Variants in PCNX2 observed in about 807,000 individuals in gnomAD.
The protein encoded by PCNX2 is pecanex 2.
A neutral mutation model predicts 223.8 loss-of-function variants in PCNX2; 168 were observed. That is an observed-to-expected ratio of 0.75 (90% CI 0.66 to 0.85). The LOEUF (loss-of-function observed/expected upper bound fraction) is 0.85, where lower values mean the gene tolerates loss of function less well. PCNX2 is among the 40% of genes least tolerant of loss of function. PCNX2 has a pLI of 0.00. For missense variants in PCNX2, 2,507 were observed against 2,675.5 expected (o/e 0.94, Z 1.39); for synonymous variants, 1,006 against 1,052.6 (o/e 0.96, Z 0.86).
chr1:233,011,043 A>G (rs1389013516), intron 28 of PCNX2, among the ~76,000 whole-genome samples: 1 of 152,174 alleles, frequency 6.6e-6, no homozygotes, highest in Non-Finnish European at 1.5e-5. Flanking sequence ...TGGGTCTCCT[A>G]CAGTACACCT....
intron 10 of PCNX2, among the ~76,000 whole-genome samples, chr1:233,223,358 A>G (rs1254477804): frequency 6.6e-6 from 1 of 152,196 alleles, no homozygotes; most frequent in African/African-American, 2.4e-5. Context: ...GAGCAAATGG[A>G]AACAAACACA....
intron 1 of PCNX2, chr1:233,288,749 C>T: frequency 1.6e-6 from 1 of 610,350 alleles, no homozygotes; most frequent in East Asian, 2.8e-5. Flanking sequence ...CAGCCCAAAT[C>T]TGGAGGGACT....
chr1:233,070,910 G>A (rs960633895), intron 23 of PCNX2, among the ~76,000 whole-genome samples: 5 of 152,224 alleles, frequency 3.3e-5, no homozygotes, highest in East Asian at 1.9e-4. Context: ...GGTGGCGGGC[G>A]CCTGTAATCC....
At chr1:233,084,106 C>T (rs1014739036) in intron 23 of PCNX2, among the ~76,000 whole-genome samples, 14 of 152,170 alleles carry the variant, frequency 9.2e-5, no homozygotes, top group Non-Finnish European at 1.8e-4. Context: ...GAGGAGTGAT[C>T]ATCTCATTTT....
At chr1:233,262,893 A>G in intron 2 of PCNX2, 65 bp downstream of exon 2, 1 of 1,514,950 alleles carries the variant, frequency 6.6e-7, no homozygotes, top group Non-Finnish European at 9.1e-7. Flanking sequence ...CACTGATAAA[A>G]AACTTATTTT....
At chr1:233,280,577 C>T (rs1380895606) in intron 1 of PCNX2, among the ~76,000 whole-genome samples, 1 of 152,166 alleles carries the variant, frequency 6.6e-6, no homozygotes, top group East Asian at 1.9e-4. Context: ...GGATTACAGG[C>T]ATGAGCCACC....
intron 17 of PCNX2, among the ~76,000 whole-genome samples, chr1:233,168,456 C>CTA (rs139880137): frequency 6.6e-5 from 10 of 151,620 alleles, no homozygotes; most frequent in African/African-American, 1.7e-4. Flanking sequence ...CTTTTGTAAG[C>CTA]TATATATATA....
chr1:232,983,681 A>G lies in PCNX2; in HGVS notation c.*623T>C, dbSNP rs1669345546. 3 of 152,194 alleles carry G rather than the reference A, an allele frequency of 2.0e-5. No homozygotes were observed. The highest frequency in any genetic ancestry group is 6.5e-5 in the Admixed American group (1 of 15,280). The allele number at this position is 152,194 out of a possible 1,614,324, so 9.4% of individuals were successfully genotyped here. ...TGGCTTTTCACAGAATACTGGAGAC[A>G]TGACTGCATGCATGATCACGGTTCT... is the stretch of plus-strand genomic sequence containing the variant. On this transcript the variant is annotated 3_prime_UTR_variant, in exon 34 of 34. Coordinates refer to ENST00000258229, the MANE Select transcript of PCNX2 (RefSeq NM_014801.4).
At chr1:233,194,490 G>A (rs987100501) in intron 15 of PCNX2, among the ~76,000 whole-genome samples, 13 of 151,972 alleles carry the variant, frequency 8.6e-5, no homozygotes, top group Admixed American at 2.0e-4. Flanking sequence ...TAACGTAAAG[G>A]AAATATAATT....
intron 1 of PCNX2, among the ~76,000 whole-genome samples, chr1:233,272,403 C>T (rs893225702): frequency 2.0e-5 from 3 of 151,872 alleles, no homozygotes; most frequent in Admixed American, 6.6e-5. Flanking sequence ...TGCTCAACAT[C>T]GCTAATGATC....
intron 21 of PCNX2, among the ~76,000 whole-genome samples, chr1:233,130,845 C>T (rs1416893477): frequency 6.0e-5 from 9 of 151,058 alleles, no homozygotes; most frequent in African/African-American, 2.2e-4. Context: ...TATTCATCCT[C>T]CAGACCTCAG....
At chr1:233,200,020 G>T in intron 14 of PCNX2, 134 bp downstream of exon 14, 1 of 706,162 alleles carries the variant, frequency 1.4e-6, no homozygotes, top group Non-Finnish European at 2.3e-6. Flanking sequence ...CACCCAGACT[G>T]ATCCAAACTG....
chr1:232,997,287 A>C (rs927818909), intron 32 of PCNX2, among the ~76,000 whole-genome samples: 1 of 152,160 alleles, frequency 6.6e-6, no homozygotes, highest in Non-Finnish European at 1.5e-5. Flanking sequence ...ATTTATACAT[A>C]TATCCTCTCT....
At chr1:233,188,282 T>A (rs958584875) in intron 15 of PCNX2, among the ~76,000 whole-genome samples, 1 of 152,278 alleles carries the variant, frequency 6.6e-6, no homozygotes, top group African/African-American at 2.4e-5. Flanking sequence ...GCAGTCCCCA[T>A]TTCCTGGATG....
At chr1:233,179,207 T>G in intron 15 of PCNX2, 32 bp from the exon 16 acceptor site, 1 of 1,603,684 alleles carries the variant, frequency 6.2e-7, no homozygotes, top group Non-Finnish European at 8.5e-7. Flanking sequence ...GCCAAGTCAC[T>G]CCACAGCTGT....
intron 19 of PCNX2, among the ~76,000 whole-genome samples, chr1:233,153,605 A>G (rs1677948516): frequency 1.3e-5 from 2 of 152,210 alleles, no homozygotes; most frequent in African/African-American, 4.8e-5. Flanking sequence ...ATAAGGGAAG[A>G]TAAGAGAGAT....
chr1:233,218,466 G>A (rs555717931), intron 10 of PCNX2, among the ~76,000 whole-genome samples: 1 of 151,976 alleles, frequency 6.6e-6, no homozygotes, highest in East Asian at 1.9e-4. Context: ...TAGTCAGGAT[G>A]GTCTTGATCT....
chr1:233,019,208 T>A (rs1337348780), intron 26 of PCNX2: 5 of 985,372 alleles, frequency 5.1e-6, no homozygotes, highest in Non-Finnish European at 6.0e-6. Flanking sequence ...TTGGGGAGGT[T>A]CCTCTGTGGT....
intron 12 of PCNX2, among the ~76,000 whole-genome samples, chr1:233,209,385 G>A (rs1300355356): frequency 6.6e-6 from 1 of 151,970 alleles, no homozygotes; most frequent in African/African-American, 2.4e-5. Context: ...TTAAGGAAAA[G>A]ATACAACATC....
Sources: allele counts gnomAD v4.1 joint callset (sites outside exome capture counted in the v4.1 genomes callset), GRCh38; gene constraint gnomAD v4.1.1; transcripts MANE v1.5; gene names NCBI Gene and HGNC (gene_info 2026-07-23, HGNC 2026-07-21).